The following TMX2 variants were observed in gnomAD, a reference collection of about 807,000 sequenced individuals.
The protein encoded by TMX2 is thioredoxin-related transmembrane protein 2.
TMX2 carries 20 observed loss-of-function variants against 33.4 expected under a neutral mutation model. The observed-to-expected ratio is 0.60, with a 90% confidence interval of 0.42 to 0.87. The LOEUF (loss-of-function observed/expected upper bound fraction) is 0.87. Among genes scored for constraint, TMX2 ranks in the 40% least tolerant of loss-of-function variants. TMX2 has a pLI of 0.00. For synonymous variants in TMX2, 166 were observed against 140.7 expected (o/e 1.18, Z -1.27); for missense variants, 340 against 370.7 (o/e 0.92, Z 0.68).
intron 1 of TMX2, among the ~76,000 whole-genome samples, chr11:57,732,739 T>C (rs1449822055): frequency 2.0e-5 from 3 of 152,162 alleles, no homozygotes; most frequent in East Asian, 1.9e-4. Context: ...CTGGAACATA[T>C]CCTTTTGGGT....
rs149458519 is a variant in TMX2 at position 57,732,167 on chromosome 11, A to C, written c.190-5441A>C. Among the ~76,000 whole-genome samples, 48 of 152,010 alleles carry C rather than the reference A, an allele frequency of 3.2e-4. No individual in the cohort carries two copies. In the East Asian group the frequency reaches 8.9e-3, roughly 28 times the overall value. ...GCGTTGATAAATTTTTCCTTTTCTC[A>C]TGTCAATCTGCCTTTTGTCAGCTCA... On this transcript the variant is annotated intron_variant, in intron 1 of 7. Transcript: ENST00000278422.
intron 1 of TMX2, among the ~76,000 whole-genome samples, chr11:57,729,123 GAAAA>G (rs929264753): frequency 1.2e-4 from 17 of 145,386 alleles, no homozygotes; most frequent in Admixed American, 1.2e-3. Flanking sequence ...CCTCTAAGGA[GAAAA>G]AAAAAAGGCG....
chr11:57,717,431 C>G (rs1169077598), intron 1 of TMX2, among the ~76,000 whole-genome samples: 1 of 151,704 alleles, frequency 6.6e-6, no homozygotes, highest in Admixed American at 6.6e-5. Flanking sequence ...CTGAGTGAAC[C>G]AGACTCCGTC....
intron 1 of TMX2, among the ~76,000 whole-genome samples, chr11:57,734,382 C>T (rs1948612620): frequency 6.6e-6 from 1 of 152,172 alleles, no homozygotes. Context: ...CCTCCATAGA[C>T]CATTTTCTGT....
chr11:57,716,888 C>T (rs1354414881), intron 1 of TMX2, among the ~76,000 whole-genome samples: 6 of 151,488 alleles, frequency 4.0e-5, no homozygotes, highest in South Asian at 2.1e-4. Flanking sequence ...CGGGCGGAGA[C>T]GCTCCTCATT....
chr11:57,733,888 G>A (rs769381186), intron 1 of TMX2, among the ~76,000 whole-genome samples: 66 of 152,116 alleles, frequency 4.3e-4, no homozygotes, highest in Non-Finnish European at 9.0e-4. Context: ...GCTGGAATGC[G>A]GGCTGGGTGC....
Position 57,712,737 on chromosome 11 carries a change from G to A in TMX2, c.119G>A (p.Arg40Lys), listed in dbSNP as rs1590887625. ...ALLSAAFLLVRKLPPLCHGLP... is the reference protein window; with the variant it reads ...ALLSAAFLLVKKLPPLCHGLP... ...CTCTCTGCTGCCTTCCTACTCGTGA[G>A]GAAACTGCCGCCGCTCTGCCACGGT... Residue 40 changes from arginine (R) to lysine (K), a missense_variant, in exon 1 of 8, where the codon AGG becomes AAG. By Grantham distance (26) the Arg-to-Lys change is conservative (BLOSUM62 2). Coordinates refer to ENST00000278422, the MANE Select transcript of TMX2 (RefSeq NM_015959.4). 2.5e-6 allele frequency: 4 copies of A among 1,614,150 alleles called. No individual in the cohort carries two copies. Among genetic ancestry groups the A allele is most frequent in the East Asian group, 2.2e-5 (1 of 44,880 alleles).
chr11:57,738,566 G>A (rs1028263079), intron 4 of TMX2, 98 bp from the exon 5 acceptor site: 95 of 1,256,394 alleles, frequency 7.6e-5, no homozygotes, highest in Non-Finnish European at 1.0e-4. Context: ...GAGAGCCGGG[G>A]GAGAGGGAAC....
Position 57,720,745 on chromosome 11 carries a change from G to C in TMX2, c.189+7938G>C, listed in dbSNP as rs1947571026. ...TTCTTTTTTTTCCTCTGAGTTAAAA[G>C]ACTTGCATCTGCAATGGACTGTTAC... On this transcript the variant is annotated intron_variant, in intron 1 of 7. Transcript: ENST00000278422. 2.0e-5 allele frequency among the ~76,000 whole-genome samples: 3 copies of C among 152,128 alleles called. No individual in the cohort carries two copies. The South Asian group carries it at 6.2e-4, about 31-fold the overall frequency.
chr11:57,739,052 C>T lies in TMX2; in HGVS notation c.614+13C>T. ...ATGTTAGTACGCGGTATGTAAAGAC[C>T]TGGGCAGAGGGTCTGAGCAGGGAAA... is the stretch of plus-strand genomic sequence containing the variant. On this transcript the variant is annotated intron_variant, in intron 6 of 7. Coordinates refer to ENST00000278422, the MANE Select transcript of TMX2 (RefSeq NM_015959.4). 1 of 1,614,092 alleles carries T rather than the reference C, an allele frequency of 6.2e-7. No individual in the cohort carries two copies. The highest frequency in any genetic ancestry group is 8.5e-7 in the Non-Finnish European group (1 of 1,180,028).
At chr11:57,727,561 A>G (rs534823252) in intron 1 of TMX2, among the ~76,000 whole-genome samples, 1 of 152,324 alleles carries the variant, frequency 6.6e-6, no homozygotes, top group Non-Finnish European at 1.5e-5. Context: ...AACCCTGGAT[A>G]TCTATTGTGA....
Position 57,712,644 on chromosome 11 carries a change from C to G in TMX2, c.26C>G (p.Ala9Gly). Residue 9 changes from alanine (A) to glycine (G), a missense_variant, in exon 1 of 8, where the codon GCT becomes GGT. Physicochemically the swap from Ala to Gly is moderately conservative, Grantham distance 60. Around this residue, in one of 3 missense-constraint regions of TMX2, gnomAD observed 106 missense variants for 82.7 expected, o/e 1.28. Transcript: ENST00000278422. Reference protein sequence around the residue: MAVLAPLIALVYSVPRLSR... With the variant: MAVLAPLIGLVYSVPRLSR... ...ATGGCGGTCTTGGCACCTCTAATTGCTCTCGTGTATTCGGTGCCGCGACTT... is the reference window on the plus strand; with the variant it reads ...ATGGCGGTCTTGGCACCTCTAATTGGTCTCGTGTATTCGGTGCCGCGACTT... The G allele has an allele frequency of 6.2e-7, 1 of 1,614,076 alleles. No homozygotes were observed. Among genetic ancestry groups the G allele is most frequent in the African/African-American group, 1.3e-5 (1 of 75,048 alleles).
chr11:57,718,932 G>C (rs966453795), intron 1 of TMX2, among the ~76,000 whole-genome samples: 1 of 151,296 alleles, frequency 6.6e-6, no homozygotes, highest in Non-Finnish European at 1.5e-5. Context: ...TGGGATTACA[G>C]GTGTGAGCCA....
intron 1 of TMX2, among the ~76,000 whole-genome samples, chr11:57,723,633 C>T (rs976124216): frequency 2.0e-5 from 3 of 150,726 alleles, no homozygotes; most frequent in Non-Finnish European, 3.0e-5. Flanking sequence ...AAACCCTGTC[C>T]TACTAAAAAA....
intron 1 of TMX2, among the ~76,000 whole-genome samples, chr11:57,725,508 G>A (rs748448985): frequency 2.0e-5 from 3 of 152,126 alleles, no homozygotes. Flanking sequence ...AGACCGAGGC[G>A]GGTGGATCAC....
intron 1 of TMX2, among the ~76,000 whole-genome samples, chr11:57,717,014 C>T (rs1438233521): frequency 6.6e-6 from 1 of 150,628 alleles, no homozygotes; most frequent in East Asian, 2.0e-4. Flanking sequence ...ACACTCCTCA[C>T]CTCCCAGACG....
chr11:57,730,977 C>T (rs962590190), intron 1 of TMX2, among the ~76,000 whole-genome samples: 7 of 82,122 alleles, frequency 8.5e-5, no homozygotes, highest in African/African-American at 3.1e-4. Context: ...AAAAAATGCA[C>T]TAACACAAAA....
intron 1 of TMX2, among the ~76,000 whole-genome samples, chr11:57,715,237 T>C (rs1404964735): frequency 6.6e-6 from 1 of 151,818 alleles, no homozygotes; most frequent in Non-Finnish European, 1.5e-5. Context: ...CCGTCTCTAC[T>C]AAAAATACAA....
At chr11:57,733,049 A>C (rs1003506534) in intron 1 of TMX2, among the ~76,000 whole-genome samples, 3 of 152,138 alleles carry the variant, frequency 2.0e-5, no homozygotes, top group Non-Finnish European at 4.4e-5. Flanking sequence ...TATGTATCTA[A>C]ATATATCTAA....
Sources: gnomAD v4.1 joint callset for allele counts (sites outside exome capture counted in the v4.1 genomes callset) on GRCh38, gnomAD v4.1.1 for gene constraint, gnomAD v4.1.1 regional missense constraint, MANE v1.5 for transcripts, NCBI Gene and HGNC (gene_info 2026-07-23, HGNC 2026-07-21) for gene names.